The following SCMH1 variants were observed in gnomAD, a reference collection of about 807,000 sequenced individuals.
SCMH1 encodes polycomb protein SCMH1.
Under a neutral mutation model 70.8 loss-of-function variants are expected in SCMH1, and 37 were observed. The observed-to-expected ratio is 0.52, with a 90% CI of 0.40 to 0.69. The LOEUF is 0.69. SCMH1 is among the 30% of genes least tolerant of loss of function. The pLI, the probability that SCMH1 is intolerant of heterozygous loss-of-function variation, is 0.00. For missense variants in SCMH1, 607 were observed against 827.3 expected, an observed-to-expected ratio of 0.73 and a Z score of 3.27; for synonymous variants, 292 against 307.4, an observed-to-expected ratio of 0.95 and a Z score of 0.52.
intron 6 of SCMH1, among the ~76,000 whole-genome samples, chr1:41,130,239 AAC>A (rs1480364940): frequency 6.6e-6 from 1 of 152,182 alleles, no homozygotes; most frequent in East Asian, 1.9e-4. Flanking sequence ...AACCTTGAAT[AAC>A]ACAGTTGCAG....
chr1:41,123,537 A>T (rs1672457397), intron 6 of SCMH1, among the ~76,000 whole-genome samples: 1 of 152,198 alleles, frequency 6.6e-6, no homozygotes, highest in East Asian at 1.9e-4. Context: ...CACTCCCAGA[A>T]ATCCCTATTT....
intron 6 of SCMH1, among the ~76,000 whole-genome samples, chr1:41,125,797 G>C (rs180714517): frequency 1.6e-4 from 25 of 151,816 alleles, no homozygotes; most frequent in Non-Finnish European, 2.4e-4. Flanking sequence ...GGCTGGTCTC[G>C]AACTCCTAGG....
intron 1 of SCMH1, among the ~76,000 whole-genome samples, chr1:41,190,035 C>T (rs1651299510): frequency 6.6e-6 from 1 of 152,158 alleles, no homozygotes; most frequent in African/African-American, 2.4e-5. Flanking sequence ...ATAAGCAATG[C>T]ATCAGCATCA....
intron 5 of SCMH1, among the ~76,000 whole-genome samples, chr1:41,149,733 G>A (rs539437524): frequency 6.6e-5 from 10 of 152,280 alleles, no homozygotes; most frequent in African/African-American, 1.2e-4. Context: ...TCCAATATGA[G>A]CAACACCTTC....
intron 8 of SCMH1, among the ~76,000 whole-genome samples, chr1:41,085,746 T>C (rs747492619): frequency 1.3e-5 from 2 of 152,242 alleles, no homozygotes; most frequent in South Asian, 2.1e-4. Flanking sequence ...TGTAAACTAT[T>C]TCACTAATAA....
At chr1:41,156,804 AT>A (rs1645590579) in intron 4 of SCMH1, among the ~76,000 whole-genome samples, 1 of 151,902 alleles carries the variant, frequency 6.6e-6, no homozygotes, top group African/African-American at 2.4e-5. Context: ...CAACATATAT[AT>A]TGCTGAAATA....
intron 10 of SCMH1, among the ~76,000 whole-genome samples, chr1:41,065,444 TG>T (rs1229745830): frequency 1.3e-5 from 2 of 152,252 alleles, no homozygotes; most frequent in Non-Finnish European, 2.9e-5. Flanking sequence ...CACTTCAGCC[TG>T]GGCAACAGAG....
rs558055838 is a variant in SCMH1 at position 41,146,285 on chromosome 1, A to G, written c.178-3173T>C. On this transcript the variant is annotated intron_variant, in intron 5 of 14. Transcript: ENST00000337495. ...AATGTGTTTCAAGCTAAGTATTATTATAAGAGTCAAAAAAGTTAAAAAATT... is the reference window on the plus strand; with the variant it reads ...AATGTGTTTCAAGCTAAGTATTATTGTAAGAGTCAAAAAAGTTAAAAAATT... Among the ~76,000 whole-genome samples, 6 of 152,268 alleles carry G rather than the reference A, an allele frequency of 3.9e-5. No homozygotes were observed. The South Asian group carries it at 8.3e-4, about 21-fold the overall frequency.
At chr1:41,054,791 T>C (rs1402226346) in intron 10 of SCMH1, among the ~76,000 whole-genome samples, 1 of 152,196 alleles carries the variant, frequency 6.6e-6, no homozygotes, top group Non-Finnish European at 1.5e-5. Flanking sequence ...TCTTTGGTTT[T>C]AAATTACAGA....
chr1:41,232,566 C>T (rs1661511190), intron 1 of SCMH1, among the ~76,000 whole-genome samples: 1 of 152,176 alleles, frequency 6.6e-6, no homozygotes, highest in Non-Finnish European at 1.5e-5. Flanking sequence ...TGAAGTCAGG[C>T]TGGTCTGGGC....
intron 8 of SCMH1, among the ~76,000 whole-genome samples, chr1:41,100,567 C>CT (rs72221588): frequency 0.026 from 3,168 of 122,370 alleles, 88 homozygotes; most frequent in East Asian, 0.076. Context: ...TTTTCTTTTT[C>CT]TTTTTTTTTT....
chr1:41,204,764 C>G (rs1221205235), intron 1 of SCMH1, among the ~76,000 whole-genome samples: 1 of 152,156 alleles, frequency 6.6e-6, no homozygotes, highest in African/African-American at 2.4e-5. Context: ...TAATATTTTC[C>G]ATATCTATTT....
intron 10 of SCMH1, among the ~76,000 whole-genome samples, chr1:41,068,746 T>C (rs1655519400): frequency 6.6e-6 from 1 of 152,166 alleles, no homozygotes; most frequent in Non-Finnish European, 1.5e-5. Flanking sequence ...TCCAGTATGG[T>C]AGGTGAAAAT....
At chr1:41,117,498 T>C (rs1670787437) in intron 6 of SCMH1, among the ~76,000 whole-genome samples, 1 of 150,704 alleles carries the variant, frequency 6.6e-6, no homozygotes, top group East Asian at 2.0e-4. Context: ...GGAAAGGGAG[T>C]CACCCTTTCC....
intron 8 of SCMH1, among the ~76,000 whole-genome samples, chr1:41,101,584 C>A (rs1666664899): frequency 1.3e-5 from 2 of 151,886 alleles, no homozygotes; most frequent in African/African-American, 4.8e-5. Context: ...TCATTTGAAA[C>A]CTTAAATTTA....
chr1:41,157,213 T>C (rs1364980569), intron 4 of SCMH1, among the ~76,000 whole-genome samples: 1 of 152,166 alleles, frequency 6.6e-6, no homozygotes, highest in Non-Finnish European at 1.5e-5. Flanking sequence ...TTACCACATA[T>C]TTGCTAAAAC....
chr1:41,150,936 C>CAAAAAAAAAAAAAAAAA (rs71062579), intron 5 of SCMH1, among the ~76,000 whole-genome samples: 1 of 76,524 alleles, frequency 1.3e-5, no homozygotes, highest in Non-Finnish European at 2.5e-5. Context: ...GACACCATCT[C>CAAAAAAAAAAAAAAAAA]AAAAAAAAAA....
rs188610215 is a variant in SCMH1 at position 41,144,234 on chromosome 1, C to T, written c.178-1122G>A. Among the ~76,000 whole-genome samples the T allele has an allele frequency of 1.3e-3, 203 of 152,188 alleles. 1 individual carries two copies. Among genetic ancestry groups the T allele is most frequent in the Non-Finnish European group, 2.3e-3 (159 of 67,996 alleles). ...TTCCATAATCCCCTCAAAATGAACC[C>T]CCTGCCCCAGTGGAGTCATTCCCCA... On this transcript the variant is annotated intron_variant, in intron 5 of 14. Coordinates refer to ENST00000337495, the Ensembl canonical transcript of SCMH1.
At chr1:41,038,735 C>A (rs1168727982) in intron 12 of SCMH1, among the ~76,000 whole-genome samples, 3 of 152,152 alleles carry the variant, frequency 2.0e-5, no homozygotes, top group Non-Finnish European at 4.4e-5. Flanking sequence ...AATACCTAAG[C>A]CATATCCCAC....
Sources: allele counts gnomAD v4.1 joint callset (sites outside exome capture counted in the v4.1 genomes callset), GRCh38; gene constraint gnomAD v4.1.1; transcripts MANE v1.5; gene names NCBI Gene and HGNC (gene_info 2026-07-23, HGNC 2026-07-21).